The following ATAD2B variants were observed in gnomAD, a reference collection of about 807,000 sequenced individuals.
ATAD2B encodes the protein ATPase family AAA domain-containing protein 2B.
Under a neutral mutation model 167.6 loss-of-function variants are expected in ATAD2B, and 40 were observed. That is an observed-to-expected ratio of 0.24 (90% CI 0.19 to 0.31). The LOEUF (loss-of-function observed/expected upper bound fraction) is 0.31. Ranked by LOEUF, ATAD2B falls within the 10% of genes least tolerant of loss-of-function variation. The pLI, the probability that ATAD2B is intolerant of heterozygous loss-of-function variation, is 1.00. For missense variants in ATAD2B, 1,242 were observed against 1,757.2 expected, an observed-to-expected ratio of 0.71 and a Z score of 5.24; for synonymous variants, 579 against 596.5, an observed-to-expected ratio of 0.97 and a Z score of 0.43.
the ATAD2B span, among the ~76,000 whole-genome samples, chr2:23,687,894 T>A: frequency 6.6e-6 from 1 of 152,090 alleles, no homozygotes; most frequent in Non-Finnish European, 1.5e-5. Flanking sequence ...ATGTGTGTTT[T>A]GTAAAGATGA....
intron 22 of ATAD2B, among the ~76,000 whole-genome samples, chr2:23,777,348 A>ATATATC (rs71402507): frequency 0.47 from 68,870 of 146,104 alleles, 16,649 homozygotes; most frequent in African/African-American, 0.55. Context: ...CATAATACTG[A>ATATATC]TATATCTATA....
At chr2:23,811,171 G>GA (rs1685530829) in intron 17 of ATAD2B, 1 of 152,144 alleles carries the variant, frequency 6.6e-6, no homozygotes, top group Admixed American at 6.5e-5. Flanking sequence ...GTTATCCAAG[G>GA]TTAAATGTTA....
At chr2:23,754,415 G>T in intron 26 of ATAD2B, 108 bp from the exon 27 acceptor site, 1 of 1,249,478 alleles carries the variant, frequency 8.0e-7, no homozygotes, top group Non-Finnish European at 1.1e-6. Context: ...GGATGTAACA[G>T]TGAACATGAA....
chr2:23,810,774 G>T (rs1003087633), intron 17 of ATAD2B, among the ~76,000 whole-genome samples: 2 of 152,112 alleles, frequency 1.3e-5, no homozygotes, highest in East Asian at 3.9e-4. Flanking sequence ...ACTTTGGGAG[G>T]CCAAGGTGGG....
At chr2:23,770,304 ACT>A (rs1016071331) in intron 22 of ATAD2B, among the ~76,000 whole-genome samples, 4 of 142,236 alleles carry the variant, frequency 2.8e-5, no homozygotes, top group African/African-American at 1.1e-4. Flanking sequence ...TGACAGAGCA[ACT>A]CTGTCTCCAA....
intron 7 of ATAD2B, among the ~76,000 whole-genome samples, chr2:23,878,008 TCCAAA>T (rs2150174880): frequency 4.4e-5 from 1 of 22,714 alleles, no homozygotes; most frequent in South Asian, 2.5e-3. Flanking sequence ...TGACCCTATC[TCCAAA>T]GAAAAAAAAA....
chr2:23,734,995 T>G, the ATAD2B span, among the ~76,000 whole-genome samples: 1 of 152,232 alleles, frequency 6.6e-6, no homozygotes, highest in East Asian at 1.9e-4. Flanking sequence ...TTACTATATC[T>G]TGTTGAAAGG....
the ATAD2B span, among the ~76,000 whole-genome samples, chr2:23,731,129 T>C: frequency 6.6e-6 from 1 of 152,176 alleles, no homozygotes; most frequent in Non-Finnish European, 1.5e-5. Flanking sequence ...TGCATTGTAA[T>C]ACATCAAATA....
chr2:23,838,789 A>C (rs1327439059), intron 13 of ATAD2B, among the ~76,000 whole-genome samples: 1 of 152,110 alleles, frequency 6.6e-6, no homozygotes, highest in Non-Finnish European at 1.5e-5. Flanking sequence ...ATGTGTGTGC[A>C]TTTATTTATG....
intron 23 of ATAD2B, among the ~76,000 whole-genome samples, chr2:23,763,166 G>C (rs766954682): frequency 5.3e-5 from 8 of 152,110 alleles, no homozygotes; most frequent in Non-Finnish European, 1.0e-4. Context: ...TCTAGATTGG[G>C]AGTATTAGTA....
At chr2:23,832,362 G>C (rs1689194102) in intron 14 of ATAD2B, 1 of 330,740 alleles carries the variant, frequency 3.0e-6, no homozygotes, top group Non-Finnish European at 6.2e-6. Flanking sequence ...TCACAAAACT[G>C]TTTCCTCGAA....
intron 24 of ATAD2B, among the ~76,000 whole-genome samples, chr2:23,759,587 T>C (rs1046470397): frequency 6.6e-6 from 1 of 152,224 alleles, no homozygotes; most frequent in Non-Finnish European, 1.5e-5. Context: ...CCTAAGAATA[T>C]ATCTCCTAAA....
intron 13 of ATAD2B, among the ~76,000 whole-genome samples, chr2:23,837,293 C>T (rs1354883870): frequency 6.6e-6 from 1 of 152,202 alleles, no homozygotes; most frequent in Non-Finnish European, 1.5e-5. Flanking sequence ...AGAGGCCAGG[C>T]AGTGGAAGCA....
intron 22 of ATAD2B, among the ~76,000 whole-genome samples, chr2:23,775,511 C>T (rs1243173094): frequency 2.0e-5 from 3 of 151,956 alleles, no homozygotes; most frequent in Admixed American, 6.6e-5. Flanking sequence ...CGTGCCCAGC[C>T]GGGTAGGTGA....
intron 18 of ATAD2B, among the ~76,000 whole-genome samples, chr2:23,802,500 T>C (rs1489718055): frequency 1.3e-5 from 2 of 152,092 alleles, no homozygotes; most frequent in African/African-American, 2.4e-5. Flanking sequence ...TGAACTATGG[T>C]AGTAACACAA....
intron 18 of ATAD2B, among the ~76,000 whole-genome samples, chr2:23,809,579 C>T (rs1029925406): frequency 4.6e-5 from 7 of 152,054 alleles, no homozygotes; most frequent in Non-Finnish European, 7.4e-5. Flanking sequence ...GGCTAAGTAT[C>T]GAAGTACAAA....
At chr2:23,703,701 G>A in the ATAD2B span, 11 of 1,530,652 alleles carry the variant, frequency 7.2e-6, no homozygotes, top group African/African-American at 1.1e-4. Flanking sequence ...TGACCTGCCT[G>A]CTCTGCTCTC....
rs1326702510 is a variant in ATAD2B, at chr2:23,754,188, T to C, written c.4326A>G (p.Gln1442=). Residue 1442 remains glutamine, a synonymous_variant, in exon 27 of 28, where the codon CAA becomes CAG. Transcript: ENST00000238789. ...TAAACTAAACACTTACCTCTACAAGTTGTGATTTGTCATAATCTTTACGAT... is the reference window on the plus strand; with the variant it reads ...TAAACTAAACACTTACCTCTACAAGCTGTGATTTGTCATAATCTTTACGAT... ...YRHRKDYDKS[Q]LVEEMERTVH... is the part of the protein sequence containing the mutation. 6.5e-7 allele frequency: 1 copy of C among 1,535,246 alleles called. No individual in the cohort carries two copies. Among genetic ancestry groups the C allele is most frequent in the Non-Finnish European group, 8.8e-7 (1 of 1,141,222 alleles).
chr2:23,782,834 A>C, intron 22 of ATAD2B, 35 bp downstream of exon 22: 1 of 1,550,902 alleles, frequency 6.4e-7, no homozygotes, highest in East Asian at 2.3e-5. Flanking sequence ...CTTCTGATTG[A>C]TTATCAAGGG....
Sources: allele counts gnomAD v4.1 joint callset (sites outside exome capture counted in the v4.1 genomes callset), GRCh38; gene constraint gnomAD v4.1.1; transcripts MANE v1.5; gene names NCBI Gene and HGNC (gene_info 2026-07-23, HGNC 2026-07-21).